Variants in CNTNAP5 observed in about 807,000 individuals in gnomAD.
CNTNAP5 encodes contactin associated protein family member 5.
In CNTNAP5, 72 loss-of-function variants were observed where a neutral mutation model predicts 150.2. The ratio of observed to expected loss-of-function variants is 0.48; its 90% CI spans 0.40 to 0.58. CNTNAP5 has a LOEUF of 0.58. Ranked by LOEUF, CNTNAP5 falls within the 20% of genes least tolerant of loss-of-function variation. CNTNAP5 has a pLI of 0.00. For missense variants in CNTNAP5, 1,636 were observed against 1,626.2 expected (o/e 1.01, Z -0.10); for synonymous variants, 672 against 619.8 (o/e 1.08, Z -1.25).
intron 1 of CNTNAP5, among the ~76,000 whole-genome samples, chr2:124,217,229 T>G (rs948147025): frequency 8.8e-5 from 10 of 113,792 alleles, no homozygotes; most frequent in Non-Finnish European, 1.6e-4. Flanking sequence ...CTCATTATAT[T>G]TTTTTTCTTA....
rs1259807971 is a variant in CNTNAP5, at chr2:124,920,628, G to T, written c.*6340G>T. Among the ~76,000 whole-genome samples, 1 of 152,050 alleles carries T rather than the reference G, an allele frequency of 6.6e-6. No individual in the cohort carries two copies. Among genetic ancestry groups the T allele is most frequent in the East Asian group, 1.9e-4 (1 of 5,186 alleles). ...GCCTCCTGATATCCTGTGTTGCCTT[G>T]GACTAACATTTTCCTTAGTCACTAG... On this transcript the variant is annotated 3_prime_UTR_variant, in exon 24 of 24. Transcript: ENST00000682447.
intron 13 of CNTNAP5, among the ~76,000 whole-genome samples, chr2:124,693,200 C>A (rs576100020): frequency 6.6e-6 from 1 of 152,160 alleles, no homozygotes; most frequent in Non-Finnish European, 1.5e-5. Flanking sequence ...CCACTTTCCA[C>A]AAAGTGTGGA....
At chr2:124,085,321 G>A (rs1398685320) in intron 1 of CNTNAP5, among the ~76,000 whole-genome samples, 4 of 152,074 alleles carry the variant, frequency 2.6e-5, no homozygotes, top group Non-Finnish European at 5.9e-5. Context: ...TTTCGTCAAA[G>A]TTTCAGATTT....
At chr2:124,099,687 T>C (rs529891137) in intron 1 of CNTNAP5, among the ~76,000 whole-genome samples, 58 of 152,252 alleles carry the variant, frequency 3.8e-4, no homozygotes, top group Middle Eastern at 3.4e-3. Context: ...ATAGGAAGAA[T>C]GGCAGCATCT....
chr2:124,401,401 T>C (rs1487458813), intron 3 of CNTNAP5, among the ~76,000 whole-genome samples: 2 of 152,238 alleles, frequency 1.3e-5, no homozygotes, highest in Non-Finnish European at 2.9e-5. Context: ...TAATATCAGT[T>C]GTCATATTTT....
At chr2:124,203,124 A>G (rs1283657046) in intron 1 of CNTNAP5, among the ~76,000 whole-genome samples, 1 of 152,168 alleles carries the variant, frequency 6.6e-6, no homozygotes, top group African/African-American at 2.4e-5. Context: ...CATTGTGTAA[A>G]TACACCCATT....
intron 3 of CNTNAP5, among the ~76,000 whole-genome samples, chr2:124,408,569 C>A (rs2553620): frequency 2.7e-5 from 4 of 148,264 alleles, no homozygotes; most frequent in East Asian, 2.0e-4. Context: ...CAAGTGGGTC[C>A]CTGACCCCTG....
intron 1 of CNTNAP5, among the ~76,000 whole-genome samples, chr2:124,217,417 G>A (rs1686186209): frequency 6.6e-6 from 1 of 152,170 alleles, no homozygotes; most frequent in South Asian, 2.1e-4. Context: ...GGAGAGCACA[G>A]GTTTGCTTAT....
At chr2:124,692,221 C>T (rs990352468) in intron 13 of CNTNAP5, among the ~76,000 whole-genome samples, 9 of 152,052 alleles carry the variant, frequency 5.9e-5, no homozygotes, top group Non-Finnish European at 8.8e-5. Context: ...CCAGGAAATT[C>T]TGAGAAATAG....
At chr2:124,432,883 A>G (rs557259733) in intron 4 of CNTNAP5, among the ~76,000 whole-genome samples, 5 of 152,216 alleles carry the variant, frequency 3.3e-5, no homozygotes, top group Admixed American at 6.5e-5. Context: ...CTGTTATTTC[A>G]ATTACTACTA....
In CNTNAP5 at chr2:124,524,441, A is replaced by G. The variant is rs1173302280; in HGVS notation, c.1466A>G (p.Tyr489Cys). The change falls in exon 9 of 24, where the codon TAC (tyrosine) becomes TGC (cysteine). Residue 489 changes from tyrosine (Y) to cysteine (C), a missense_variant. Physicochemically the swap from Tyr to Cys is radical, Grantham distance 194. Coordinates refer to ENST00000682447, the MANE Select transcript of CNTNAP5 (RefSeq NM_001367498.1). ...TWVQIYSGNS[Y>C]YFGGCPDNLT... The stretch of plus-strand genomic sequence containing the variant: ...GTGCAGATTTATTCTGGAAATAGCT[A>G]CTATTTTGGAGGTAAATTCTCCAGT... The G allele has an allele frequency of 6.2e-7, 1 of 1,611,376 alleles. No homozygotes were observed. Among genetic ancestry groups the G allele is most frequent in the Non-Finnish European group, 8.5e-7 (1 of 1,178,528 alleles).
At chr2:124,874,907 T>C (rs1677822713) in intron 21 of CNTNAP5, among the ~76,000 whole-genome samples, 1 of 152,062 alleles carries the variant, frequency 6.6e-6, no homozygotes, top group African/African-American at 2.4e-5. Flanking sequence ...GAGGCATTAT[T>C]CTTCTGCTCC....
intron 1 of CNTNAP5, among the ~76,000 whole-genome samples, chr2:124,067,983 A>G (rs538674225): frequency 1.6e-4 from 25 of 152,330 alleles, no homozygotes; most frequent in African/African-American, 5.1e-4. Context: ...GGAGGAATAA[A>G]CAATAAAACC....
intron 1 of CNTNAP5, among the ~76,000 whole-genome samples, chr2:124,036,512 C>T (rs55653679): frequency 0.01 from 1,574 of 152,026 alleles, 32 homozygotes; most frequent in African/African-American, 0.036. Flanking sequence ...ATGGGGTCAA[C>T]CAGGGCAGAT....
At chr2:124,473,540 T>G (rs1406972101) in intron 6 of CNTNAP5, among the ~76,000 whole-genome samples, 1 of 152,020 alleles carries the variant, frequency 6.6e-6, no homozygotes, top group African/African-American at 2.4e-5. Flanking sequence ...AATCTAAAAA[T>G]AGCCTTAAGT....
Position 124,704,217 on chromosome 2 carries a change from G to A in CNTNAP5, c.2078-43012G>A, listed in dbSNP as rs556654034. Among the ~76,000 whole-genome samples, 77 of 152,272 alleles carry A rather than the reference G, an allele frequency of 5.1e-4. No individual in the cohort carries two copies. The Middle Eastern group carries it at 0.02, about 40-fold the overall frequency. Reference sequence around the variant, plus strand: ...CTAACCCACAAAGATAGAACTGGTGGCCTCAGCTTAGACTTTTCTCTATTG... The same window carrying A: ...CTAACCCACAAAGATAGAACTGGTGACCTCAGCTTAGACTTTTCTCTATTG... On this transcript the variant is annotated intron_variant, in intron 13 of 23. Coordinates refer to ENST00000682447, the MANE Select transcript of CNTNAP5 (RefSeq NM_001367498.1).
At position 124,446,999 on chromosome 2, in the gene CNTNAP5, A is replaced by T. The variant is rs541704897; in HGVS notation, c.918+62A>T. 1.2e-3 allele frequency: 1,825 copies of T among 1,516,500 alleles called. 24 individuals carry two copies. The South Asian group carries it at 0.013, about 11-fold the overall frequency. The allele number at this position is 1,516,500 out of a possible 1,614,324, so 93.9% of individuals were successfully genotyped here. ...TTGCTTCAATGAACGCAGCAAGAAA[A>T]TCAGTGAGCAGACCAACTGAGAGAA... On this transcript the variant is annotated intron_variant, in intron 6 of 23. Transcript: ENST00000682447.
chr2:124,207,752 A>G (rs1409137814), intron 1 of CNTNAP5, among the ~76,000 whole-genome samples: 1 of 152,224 alleles, frequency 6.6e-6, no homozygotes, highest in Admixed American at 6.5e-5. Context: ...TGAACACAAT[A>G]CAATGTATTT....
chr2:124,750,429 T>C (rs572692596), intron 14 of CNTNAP5, among the ~76,000 whole-genome samples: 5 of 152,216 alleles, frequency 3.3e-5, no homozygotes, highest in Non-Finnish European at 5.9e-5. Flanking sequence ...GCTTCATTCA[T>C]TGTCTTAGTG....
Sources: gnomAD v4.1 joint callset for allele counts (sites outside exome capture counted in the v4.1 genomes callset) on GRCh38, gnomAD v4.1.1 for gene constraint, MANE v1.5 for transcripts, NCBI Gene and HGNC (gene_info 2026-07-23, HGNC 2026-07-21) for gene names.